Variants in RYK observed in about 807,000 individuals in gnomAD.
RYK encodes inactive tyrosine-protein kinase RYK.
In RYK, 21 loss-of-function variants were observed where a neutral mutation model predicts 70.2. That is an observed-to-expected ratio of 0.30 (90% confidence interval 0.21 to 0.43). The LOEUF is 0.43. Among genes scored for constraint, RYK ranks in the 20% least tolerant of loss-of-function variants. The pLI, the probability that RYK is intolerant of heterozygous loss-of-function variation, is 1.00. For missense variants in RYK, 604 were observed against 753.3 expected (o/e 0.80, Z 2.32); for synonymous variants, 267 against 278.0 (o/e 0.96, Z 0.39).
intron 10 of RYK, 50 bp downstream of exon 10, chr3:134,182,952 T>C (rs1170759040): frequency 2.6e-6 from 3 of 1,150,122 alleles, no homozygotes; most frequent in African/African-American, 1.5e-5. Flanking sequence ...AAATGTGGCA[T>C]CAAGTGTTGC....
intron 6 of RYK, among the ~76,000 whole-genome samples, chr3:134,201,566 G>A (rs1442051939): frequency 2.6e-5 from 4 of 152,140 alleles, no homozygotes; most frequent in African/African-American, 9.7e-5. Context: ...AGGGGTGTTT[G>A]GGAGGCTTAG....
intron 3 of RYK, among the ~76,000 whole-genome samples, chr3:134,210,155 A>T (rs1209398943): frequency 6.6e-6 from 1 of 152,216 alleles, no homozygotes; most frequent in Non-Finnish European, 1.5e-5. Context: ...ATTCCAGTAC[A>T]CTAAAACTGA....
chr3:134,175,638 T>C lies in RYK; in HGVS notation c.1546A>G (p.Asn516Asp), dbSNP rs2013071982. 1 of 1,613,958 alleles carries C rather than the reference T, an allele frequency of 6.2e-7. No homozygotes were observed. The highest frequency in any genetic ancestry group is 8.5e-7 in the Non-Finnish European group (1 of 1,179,884). The change falls in exon 13 of 15, where the codon AAT (asparagine) becomes GAT (aspartate). Residue 516 changes from asparagine (N) to aspartate (D), a missense_variant. Transcript: ENST00000623711. ...TCACTAGCGCTAGAGAACTCGTTAT[T>C]AACCAGACTTTCAAGAGCCATCCAA... ...VRWMALESLVNNEFSSASDVW... is the reference protein window; with the variant it reads ...VRWMALESLVDNEFSSASDVW...
intron 10 of RYK, among the ~76,000 whole-genome samples, chr3:134,182,475 A>G (rs994319835): frequency 6.6e-6 from 1 of 152,178 alleles, no homozygotes; most frequent in African/African-American, 2.4e-5. Context: ...CTAATTTATT[A>G]TAAAATAGTT....
Position 134,175,728 on chromosome 3 carries a change from G to C in RYK, c.1456C>G (p.Leu486Val). 1 of 1,613,830 alleles carries C rather than the reference G, an allele frequency of 6.2e-7. No individual in the cohort carries two copies. The highest frequency in any genetic ancestry group is 8.5e-7 in the Non-Finnish European group (1 of 1,179,790). Residue 486 changes from leucine (L) to valine (V), a missense_variant, in exon 13 of 15, where the codon CTC becomes GTC. Coordinates refer to ENST00000623711, the MANE Select transcript of RYK (RefSeq NM_002958.4). ...TCCATGGGGAACAAGTCTCTGGAGA[G>C]GGCATTGTCTGTGATCTTAACTTGA... is the stretch of plus-strand genomic sequence containing the variant. ...TLQVKITDNA[L>V]SRDLFPMDYH... is the part of the protein sequence containing the mutation.
intron 1 of RYK, among the ~76,000 whole-genome samples, chr3:134,242,806 G>C (rs542736600): frequency 1.3e-5 from 2 of 152,252 alleles, no homozygotes; most frequent in East Asian, 3.9e-4. Flanking sequence ...GACTCACAGG[G>C]GACAGGTTTA....
At chr3:134,168,998 T>C (rs1367697840) in intron 13 of RYK, among the ~76,000 whole-genome samples, 1 of 152,172 alleles carries the variant, frequency 6.6e-6, no homozygotes, top group Non-Finnish European at 1.5e-5. Flanking sequence ...AGTCTCTGGA[T>C]AACTCCAGAC....
chr3:134,160,499 CTTA>C (rs1400939919), intron 13 of RYK, among the ~76,000 whole-genome samples: 2 of 151,802 alleles, frequency 1.3e-5, no homozygotes, highest in East Asian at 3.9e-4. Context: ...TTTTAAAAGC[CTTA>C]TAATAGTGAA....
intron 13 of RYK, among the ~76,000 whole-genome samples, chr3:134,163,375 C>T (rs777468592): frequency 1.3e-5 from 2 of 152,096 alleles, no homozygotes; most frequent in African/African-American, 4.8e-5. Flanking sequence ...TGTTTGACGT[C>T]GGTGGAAAGG....
intron 1 of RYK, among the ~76,000 whole-genome samples, chr3:134,248,046 G>A (rs1183575319): frequency 2.0e-5 from 3 of 152,142 alleles, no homozygotes; most frequent in Admixed American, 6.5e-5. Flanking sequence ...ACACATCTCA[G>A]TCCTACCCAC....
chr3:134,223,350 G>A (rs941350216), intron 1 of RYK, among the ~76,000 whole-genome samples: 7 of 152,054 alleles, frequency 4.6e-5, no homozygotes, highest in South Asian at 2.1e-4. Flanking sequence ...CTTTTATCCT[G>A]CCTGTATTTA....
At chr3:134,239,096 C>T (rs2015256836) in intron 1 of RYK, among the ~76,000 whole-genome samples, 1 of 151,954 alleles carries the variant, frequency 6.6e-6, no homozygotes, top group African/African-American at 2.4e-5. Flanking sequence ...CTATGGAAGT[C>T]GACATGGGAG....
At chr3:134,246,620 T>C (rs1177722730) in intron 1 of RYK, among the ~76,000 whole-genome samples, 2 of 152,126 alleles carry the variant, frequency 1.3e-5, no homozygotes, top group African/African-American at 4.8e-5. Context: ...ACTGTGAATA[T>C]GCCATCAAAA....
chr3:134,161,180 G>A (rs1299409309), intron 13 of RYK, among the ~76,000 whole-genome samples: 2 of 152,176 alleles, frequency 1.3e-5, no homozygotes, highest in Non-Finnish European at 2.9e-5. Flanking sequence ...AATATACAGA[G>A]AAGTAAAAGG....
At chr3:134,188,237 T>C (rs2013535326) in intron 9 of RYK, among the ~76,000 whole-genome samples, 1 of 150,570 alleles carries the variant, frequency 6.6e-6, no homozygotes, top group East Asian at 2.0e-4. Context: ...CTCGGCTCAC[T>C]GCATCCTCCG....
chr3:134,218,910 A>C (rs1022149953), intron 2 of RYK, among the ~76,000 whole-genome samples: 1 of 152,288 alleles, frequency 6.6e-6, no homozygotes, highest in Admixed American at 6.5e-5. Flanking sequence ...AATCAACTAG[A>C]TTTAGAAAGT....
chr3:134,182,959 T>C, intron 10 of RYK, 43 bp downstream of exon 10: 2 of 1,269,260 alleles, frequency 1.6e-6, no homozygotes, highest in Non-Finnish European at 2.2e-6. Context: ...GCATCAAGTG[T>C]TGCCATGCTC....
chr3:134,191,760 G>T, intron 8 of RYK, 89 bp downstream of exon 8: 2 of 1,012,960 alleles, frequency 2.0e-6, no homozygotes, highest in East Asian at 5.5e-5. Context: ...GACACAAAAT[G>T]AGATGAAATT....
At chr3:134,167,121 T>C (rs2012700624) in intron 13 of RYK, among the ~76,000 whole-genome samples, 1 of 152,056 alleles carries the variant, frequency 6.6e-6, no homozygotes, top group South Asian at 2.1e-4. Context: ...TACTCTAAAA[T>C]TAATAATGAA....
Sources: allele counts gnomAD v4.1 joint callset (sites outside exome capture counted in the v4.1 genomes callset), GRCh38; gene constraint gnomAD v4.1.1; transcripts MANE v1.5; gene names NCBI Gene and HGNC (gene_info 2026-07-23, HGNC 2026-07-21).